The following COL6A1 variants were observed in gnomAD, a reference collection of about 807,000 sequenced individuals.
COL6A1 encodes the protein collagen type VI alpha 1 chain, also known as collagen alpha-1(VI) chain.
COL6A1 carries 80 observed loss-of-function variants against 145.6 expected under a neutral mutation model. The ratio of observed to expected loss-of-function variants is 0.55; its 90% CI spans 0.46 to 0.66. COL6A1 has a LOEUF of 0.66. Ranked by LOEUF, COL6A1 falls within the 30% of genes least tolerant of loss-of-function variation. The pLI is 0.00. For synonymous variants in COL6A1, 638 were observed against 622.8 expected, an observed-to-expected ratio of 1.02 and a Z score of -0.36; for missense variants, 1,364 against 1,473.8, an observed-to-expected ratio of 0.93 and a Z score of 1.22.
At position 45,986,808 on chromosome 21, in the gene COL6A1, T is replaced by C. The variant is rs557525385; in HGVS notation, c.588+123T>C. ...TGTGGGTTCTCCAGCCGGCCACCCT[T>C]GCCCCTGAGAGGCCAGCCCCTCCTG... On this transcript the variant is annotated intron_variant, in intron 4 of 34. Transcript: ENST00000361866. The C allele has an allele frequency of 1.7e-3, 2,524 of 1,515,610 alleles. 9 individuals are homozygous for C. The highest frequency in any genetic ancestry group is 1.9e-3 in the Non-Finnish European group (2,110 of 1,131,428). 93.9% of individuals were successfully genotyped at this position (1,515,610 alleles called of 1,614,324 possible). A position where few individuals can be genotyped will look rare whatever the true frequency, so the allele number is the denominator to read the frequency against.
intron 20 of COL6A1, among the ~76,000 whole-genome samples, chr21:45,996,632 G>A (rs2077806220): frequency 6.9e-6 from 1 of 145,960 alleles, no homozygotes; most frequent in Admixed American, 6.6e-5. Context: ...GCTGGGGCCA[G>A]GTGGGCCAGG....
chr21:46,001,834 ACCCAGGTCCTGAGGT>A, intron 30 of COL6A1, 112 bp from the exon 31 acceptor site: 1 of 766,724 alleles, frequency 1.3e-6, no homozygotes, highest in Non-Finnish European at 2.2e-6. Flanking sequence ...ATCGCAGGGG[ACCCAGGTCCTGAGGT>A]CCTGGGGGCC....
rs757549538 is a variant in COL6A1, at chr21:45,990,304, A to AG, written c.957+26dup. 3 of 1,612,190 alleles carry AG rather than the reference A, an allele frequency of 1.9e-6. No individual in the cohort carries two copies. Among genetic ancestry groups the AG allele is most frequent in the Non-Finnish European group, 2.5e-6 (3 of 1,179,776 alleles). ...TACAAGGTGAGCGTGGGCTGCTGGG[A>AG]GGGGGGAGTTCTGCCCCCACGGCAG... On this transcript the variant is annotated intron_variant, in intron 12 of 34. Coordinates refer to ENST00000361866, the MANE Select transcript of COL6A1 (RefSeq NM_001848.3).
intron 1 of COL6A1, 100 bp from the exon 2 acceptor site, chr21:45,982,534 T>G (rs2077713996): frequency 6.4e-7 from 1 of 1,563,052 alleles, no homozygotes; most frequent in Non-Finnish European, 8.7e-7. Flanking sequence ...GGCCCGGGGC[T>G]CTGTGCTGCA....
intron 15 of COL6A1, 99 bp from the exon 16 acceptor site, chr21:45,991,911 G>C: frequency 1.7e-6 from 2 of 1,200,136 alleles, no homozygotes; most frequent in Non-Finnish European, 2.4e-6. Flanking sequence ...AGAGGGAGTG[G>C]CCTGAAGTAT....
At position 46,003,867 on chromosome 21, in the gene COL6A1, C is replaced by A. The variant is rs1569519253; in HGVS notation, c.2941C>A (p.Pro981Thr). The A allele has an allele frequency of 1.9e-6, 3 of 1,600,380 alleles. No individual in the cohort carries two copies. The highest frequency in any genetic ancestry group is 2.6e-6 in the Non-Finnish European group (3 of 1,170,574). The change falls in exon 35 of 35, where the codon CCC (proline) becomes ACC (threonine). Residue 981 changes from proline to threonine, a missense_variant. Around this residue, in one of 3 missense-constraint regions of COL6A1, gnomAD observed 938 missense variants for 1,003.8 expected, o/e 0.93. Transcript: ENST00000361866. ...VVVVGRQVNE[P>T]HIRVLVTGKT... is the part of the protein sequence containing the mutation. ...GGTCGTGGGCCGCCAGGTGAATGAG[C>A]CCCACATCCGCGTCCTGGTCACCGG...
chr21:45,985,759 C>G (rs1216850881), intron 3 of COL6A1, among the ~76,000 whole-genome samples: 1 of 152,246 alleles, frequency 6.6e-6, no homozygotes, highest in Non-Finnish European at 1.5e-5. Flanking sequence ...AGGTCGGTCT[C>G]AGAGGGCCAC....
Position 45,981,783 on chromosome 21 carries a change from G to C in COL6A1, c.-68G>C, listed in dbSNP as rs1202525588. Reference sequence around the variant, plus strand: ...CTGGCTGGGAGCAGAAGGCAGCCTCGGTCTCTGGGCGGCGGCGGCGGCCCA... The same window carrying C: ...CTGGCTGGGAGCAGAAGGCAGCCTCCGTCTCTGGGCGGCGGCGGCGGCCCA... On this transcript the variant is annotated 5_prime_UTR_variant, in exon 1 of 35. Coordinates refer to ENST00000361866, the MANE Select transcript of COL6A1 (RefSeq NM_001848.3). The C allele has an allele frequency of 3.2e-6, 4 of 1,245,602 alleles. No homozygotes were observed. Among genetic ancestry groups the C allele is most frequent in the Admixed American group, 2.1e-5 (1 of 47,672 alleles). 77.2% of individuals were successfully genotyped at this position (1,245,602 alleles called of 1,614,324 possible).
chr21:45,999,945 G>A (rs78135600), intron 27 of COL6A1, among the ~76,000 whole-genome samples: 392 of 1,382 alleles, frequency 0.28, 59 homozygotes, highest in East Asian at 0.38. Context: ...TGGGGGGGAC[G>A]TGTGAGGATC....
rs934776873 is a variant in COL6A1, at chr21:45,981,817, T to C, written c.-34T>C. 1 of 1,521,648 alleles carries C rather than the reference T, an allele frequency of 6.6e-7. No individual in the cohort carries two copies. Among genetic ancestry groups the C allele is most frequent in the African/African-American group, 1.4e-5 (1 of 70,142 alleles). 94.3% of individuals were successfully genotyped at this position (1,521,648 alleles called of 1,614,324 possible). A position where few individuals can be genotyped will look rare whatever the true frequency, so the allele number is the denominator to read the frequency against. ...GCGGCGGCGGCGGCCCACTCTGCCC[T>C]GGCCGCGCTGTGTGGTGACCGCAGG... On this transcript the variant is annotated 5_prime_UTR_variant, in exon 1 of 35. Coordinates refer to ENST00000361866, the MANE Select transcript of COL6A1 (RefSeq NM_001848.3).
rs964410234 is a variant in COL6A1, at chr21:45,989,897, C to T, written c.930+119C>T. On this transcript the variant is annotated intron_variant, in intron 11 of 34. Coordinates refer to ENST00000361866, the MANE Select transcript of COL6A1 (RefSeq NM_001848.3). ...CAGGAGACCACGTGTCCTGCAGACC[C>T]GCTCCACCGCCCCTCGCCGTCCCCT... 35 of 1,316,136 alleles carry T rather than the reference C, an allele frequency of 2.7e-5. No individual in the cohort carries two copies. The Admixed American group carries it at 3.0e-4, about 11-fold the overall frequency. 81.5% of individuals were successfully genotyped at this position (1,316,136 alleles called of 1,614,324 possible).
At chr21:45,999,296 G>A (rs2123484670) in intron 26 of COL6A1, 78 bp downstream of exon 26, 1 of 1,378,280 alleles carries the variant, frequency 7.3e-7, no homozygotes, top group East Asian at 2.5e-5. Context: ...AATGCTGGAA[G>A]AGGCTGGGAG....
intron 6 of COL6A1, 140 bp from the exon 7 acceptor site, chr21:45,987,359 C>T (rs941462455): frequency 2.7e-6 from 4 of 1,476,862 alleles, no homozygotes; most frequent in African/African-American, 1.4e-5. Context: ...TGTGTCTGCC[C>T]ATGTGCCTGG....
chr21:45,993,079 G>A (rs985883501), intron 19 of COL6A1, among the ~76,000 whole-genome samples: 5 of 152,230 alleles, frequency 3.3e-5, no homozygotes, highest in African/African-American at 4.8e-5. Context: ...TTCTGCATCC[G>A]AGCTTGGGTT....
Position 45,981,850 on chromosome 21 carries a change from C to T in COL6A1, c.-1C>T, listed in dbSNP as rs377142360. The T allele has an allele frequency of 2.6e-5, 41 of 1,582,836 alleles. No homozygotes were observed. The highest frequency in any genetic ancestry group is 3.4e-5 in the Non-Finnish European group (40 of 1,167,070). ...CTGTGTGGTGACCGCAGGCCCCAGACATGAGGGCGGCCCGTGCTCTGCTGC... is the reference window on the plus strand; with the variant it reads ...CTGTGTGGTGACCGCAGGCCCCAGATATGAGGGCGGCCCGTGCTCTGCTGC... On this transcript the variant is annotated 5_prime_UTR_variant, in exon 1 of 35. Transcript: ENST00000361866.
chr21:45,988,431 T>G (rs2077755240), intron 8 of COL6A1, among the ~76,000 whole-genome samples: 1 of 67,124 alleles, frequency 1.5e-5, no homozygotes, highest in Non-Finnish European at 3.1e-5. Context: ...GGGCTCCAGA[T>G]GGAGGGGACG....
chr21:46,001,915 G>A, intron 30 of COL6A1, 46 bp from the exon 31 acceptor site: 1 of 1,554,756 alleles, frequency 6.4e-7, no homozygotes, highest in Non-Finnish European at 8.8e-7. Context: ...AGCTTATGCG[G>A]ACCTGGGGCA....
rs1239008366 is a variant in COL6A1 at position 46,004,696 on chromosome 21, C to G, written c.*683C>G. On this transcript the variant is annotated 3_prime_UTR_variant, in exon 35 of 35. Transcript: ENST00000361866. The stretch of plus-strand genomic sequence containing the variant: ...GGGTCCTGCTGGTGACCGGCCTGGA[C>G]CTTGGCCCTACAGCCCTGGAGGCCG... 2.2e-6 allele frequency: 1 copy of G among 453,592 alleles called. No individual in the cohort carries two copies. Among genetic ancestry groups the G allele is most frequent in the Non-Finnish European group, 4.4e-6 (1 of 225,292 alleles). 28.1% of individuals were successfully genotyped at this position (453,592 alleles called of 1,614,324 possible).
Position 46,003,549 on chromosome 21 carries a change from G to C in COL6A1, c.2623G>C (p.Val875Leu). Residue 875 changes from valine (V) to leucine (L), a missense_variant, in exon 35 of 35, where the codon GTG (valine) becomes CTG (leucine). Coordinates refer to ENST00000361866, the MANE Select transcript of COL6A1 (RefSeq NM_001848.3). ...TDPAHDVRVA[V>L]VQYSGTGQQR... ...CCCCGCCCACGACGTGCGGGTGGCGGTGGTGCAGTACAGCGGCACGGGCCA... is the reference window on the plus strand; with the variant it reads ...CCCCGCCCACGACGTGCGGGTGGCGCTGGTGCAGTACAGCGGCACGGGCCA... 1 of 1,612,252 alleles carries C rather than the reference G, an allele frequency of 6.2e-7. No homozygotes were observed. The highest frequency in any genetic ancestry group is 1.3e-5 in the African/African-American group (1 of 75,044).
Sources: gnomAD v4.1 joint callset for allele counts (sites outside exome capture counted in the v4.1 genomes callset) on GRCh38, gnomAD v4.1.1 for gene constraint, gnomAD v4.1.1 regional missense constraint, MANE v1.5 for transcripts, NCBI Gene and HGNC (gene_info 2026-07-23, HGNC 2026-07-21) for gene names.